Variants in CYP39A1 observed in about 807,000 individuals in gnomAD.
CYP39A1 encodes cytochrome P450 family 39 subfamily A member 1, also known as 24-hydroxycholesterol 7-alpha-hydroxylase.
CYP39A1 carries 49 observed loss-of-function variants against 58.1 expected under a neutral mutation model. The observed-to-expected ratio is 0.84, with a 90% confidence interval of 0.67 to 1.07. The LOEUF (loss-of-function observed/expected upper bound fraction) is 1.07, where lower values mean the gene tolerates loss of function less well. CYP39A1 is among the 50% of genes least tolerant of loss of function. The probability of loss-of-function intolerance (pLI) is 0.00; values close to 1 mark genes in which losing one functional copy is unlikely to be tolerated. For synonymous variants in CYP39A1, 209 were observed against 187.6 expected (o/e 1.11, Z -0.93); for missense variants, 531 against 539.4 (o/e 0.98, Z 0.16).
chr6:46,623,691 G>A (rs750001150), intron 7 of CYP39A1, among the ~76,000 whole-genome samples: 9 of 151,988 alleles, frequency 5.9e-5, no homozygotes, highest in Non-Finnish European at 8.8e-5. Flanking sequence ...GGAGAATCCT[G>A]ACTAATCGAA....
intron 10 of CYP39A1, among the ~76,000 whole-genome samples, chr6:46,555,273 G>A (rs1770616681): frequency 6.6e-6 from 1 of 152,206 alleles, no homozygotes; most frequent in South Asian, 2.1e-4. Flanking sequence ...TCCTCTGGAA[G>A]CATTTCCTGA....
Position 46,652,659 on chromosome 6 carries a change from C to T in CYP39A1, c.-77G>A, listed in dbSNP as rs1442676661. The T allele has an allele frequency of 2.2e-6, 3 of 1,373,274 alleles. No individual in the cohort carries two copies. The highest frequency in any genetic ancestry group is 2.0e-6 in the Non-Finnish European group (2 of 1,025,008). The allele number at this position is 1,373,274 out of a possible 1,614,324, so 85.1% of individuals were successfully genotyped here. A position where few individuals can be genotyped will look rare whatever the true frequency, so the allele number is the denominator to read the frequency against. On this transcript the variant is annotated 5_prime_UTR_variant, in exon 1 of 12. Coordinates refer to ENST00000275016, the MANE Select transcript of CYP39A1 (RefSeq NM_016593.5). Reference sequence around the variant, plus strand: ...TCCCTTGCTTCTTTTCTGTGGGCTACGGAACCTGTCGGGACTCCCAACCTT... The same window carrying T: ...TCCCTTGCTTCTTTTCTGTGGGCTATGGAACCTGTCGGGACTCCCAACCTT...
rs114148181 is a variant in CYP39A1, at chr6:46,597,398, A to G, written c.932-1278T>C. Among the ~76,000 whole-genome samples the G allele has an allele frequency of 6.0e-3, 911 of 152,282 alleles. 12 individuals are homozygous for G. The highest frequency in any genetic ancestry group is 0.02 in the African/African-American group (833 of 41,568). ...TCTAAGATGTAAAATATTCTAAGGT[A>G]GTTAAAAGCAGATAGGGTTCACAGC... On this transcript the variant is annotated intron_variant, in intron 7 of 11. Transcript: ENST00000275016.
chr6:46,565,705 G>T (rs751712819), intron 10 of CYP39A1, among the ~76,000 whole-genome samples: 1 of 152,096 alleles, frequency 6.6e-6, no homozygotes, highest in Non-Finnish European at 1.5e-5. Flanking sequence ...AAGGAGCAGG[G>T]ACTGAATTAA....
At chr6:46,600,499 A>AACC (rs1345851287) in intron 7 of CYP39A1, among the ~76,000 whole-genome samples, 3 of 152,066 alleles carry the variant, frequency 2.0e-5, no homozygotes, top group Non-Finnish European at 4.4e-5. Context: ...CAAAGGAACC[A>AACC]ACCATGAGAT....
intron 1 of CYP39A1, among the ~76,000 whole-genome samples, chr6:46,645,005 G>A (rs1404012864): frequency 2.0e-5 from 3 of 152,114 alleles, no homozygotes; most frequent in African/African-American, 7.2e-5. Context: ...ATATTGTTGA[G>A]TGTTGACAGT....
At chr6:46,594,115 A>G (rs561294808) in intron 8 of CYP39A1, among the ~76,000 whole-genome samples, 114 of 152,226 alleles carry the variant, frequency 7.5e-4, no homozygotes, top group African/African-American at 2.6e-3. Context: ...AAATAGGATT[A>G]TATTGATTCT....
At position 46,585,046 on chromosome 6, in the gene CYP39A1, C is replaced by T. The variant is rs186891392; in HGVS notation, c.1250+2031G>A. On this transcript the variant is annotated intron_variant, in intron 10 of 11. Coordinates refer to ENST00000275016, the MANE Select transcript of CYP39A1 (RefSeq NM_016593.5). ...AAGAGCTCAGCGTGCTCTAAAAATA[C>T]GTAGTTTCTGTCTAAAGAAGATACT... Among the ~76,000 whole-genome samples the T allele has an allele frequency of 7.9e-5, 12 of 152,228 alleles. No individual in the cohort carries two copies. In the East Asian group the frequency reaches 1.5e-3, roughly 20 times the overall value.
At chr6:46,577,320 A>G (rs1771893322) in intron 10 of CYP39A1, among the ~76,000 whole-genome samples, 1 of 152,180 alleles carries the variant, frequency 6.6e-6, no homozygotes, top group Non-Finnish European at 1.5e-5. Flanking sequence ...GCCGCCACAA[A>G]AACACACTTA....
At chr6:46,595,933 A>G (rs1773120029) in intron 8 of CYP39A1, 54 bp downstream of exon 8, 2 of 1,557,350 alleles carry the variant, frequency 1.3e-6, no homozygotes, top group Non-Finnish European at 1.7e-6. Flanking sequence ...TGTGGGCAAA[A>G]TGTGTACTTT....
intron 7 of CYP39A1, among the ~76,000 whole-genome samples, chr6:46,624,946 C>T (rs9463230): frequency 0.053 from 8,013 of 151,816 alleles, 455 homozygotes; most frequent in African/African-American, 0.14. Flanking sequence ...TTTTTGTTTA[C>T]TTGTTTTTTG....
intron 8 of CYP39A1, among the ~76,000 whole-genome samples, chr6:46,589,322 G>A (rs1000856409): frequency 2.0e-5 from 3 of 151,966 alleles, no homozygotes; most frequent in Admixed American, 6.6e-5. Context: ...GGGGATGATG[G>A]TGCACCTGTA....
chr6:46,615,669 T>C (rs772647696), intron 7 of CYP39A1, among the ~76,000 whole-genome samples: 2 of 152,084 alleles, frequency 1.3e-5, no homozygotes, highest in Admixed American at 6.6e-5. Flanking sequence ...AGCTTTTTCC[T>C]GAATCTCTTC....
chr6:46,645,992 C>T (rs1762299006), intron 1 of CYP39A1, among the ~76,000 whole-genome samples: 1 of 151,942 alleles, frequency 6.6e-6, no homozygotes, highest in Non-Finnish European at 1.5e-5. Flanking sequence ...TTTATGTATA[C>T]CTTGCATTTA....
intron 10 of CYP39A1, among the ~76,000 whole-genome samples, chr6:46,556,916 C>A (rs1770691362): frequency 6.6e-6 from 1 of 151,336 alleles, no homozygotes; most frequent in South Asian, 2.1e-4. Flanking sequence ...AAATATAGGC[C>A]CAGAAATGAC....
intron 1 of CYP39A1, among the ~76,000 whole-genome samples, chr6:46,647,427 C>T (rs752087665): frequency 1.3e-5 from 2 of 152,138 alleles, no homozygotes; most frequent in South Asian, 4.1e-4. Context: ...TTCCCAAGAG[C>T]TGTTTAAGTA....
chr6:46,590,222 TAC>T (rs1772748635), intron 8 of CYP39A1, among the ~76,000 whole-genome samples: 1 of 152,174 alleles, frequency 6.6e-6, no homozygotes, highest in Admixed American at 6.5e-5. Context: ...AAAGGGAAGC[TAC>T]AACTTCTGTG....
At chr6:46,554,210 T>A (rs1043070855) in intron 10 of CYP39A1, among the ~76,000 whole-genome samples, 1 of 152,238 alleles carries the variant, frequency 6.6e-6, no homozygotes, top group Non-Finnish European at 1.5e-5. Flanking sequence ...AGTTTAAGAT[T>A]AAGCAAAATG....
intron 10 of CYP39A1, among the ~76,000 whole-genome samples, chr6:46,579,280 C>T (rs1418002306): frequency 6.6e-6 from 1 of 152,054 alleles, no homozygotes; most frequent in African/African-American, 2.4e-5. Flanking sequence ...TCAATAGATG[C>T]AGAAAAGGCC....
Sources: gnomAD v4.1 joint callset for allele counts (sites outside exome capture counted in the v4.1 genomes callset) on GRCh38, gnomAD v4.1.1 for gene constraint, MANE v1.5 for transcripts, NCBI Gene and HGNC (gene_info 2026-07-23, HGNC 2026-07-21) for gene names.